PCDH9: variants seen among roughly 807,000 people sequenced by gnomAD.
The protein encoded by PCDH9 is protocadherin-9.
In PCDH9, 24 loss-of-function variants were observed where a neutral mutation model predicts 70.6. That is an observed-to-expected ratio of 0.34 (90% CI 0.25 to 0.48). The LOEUF (loss-of-function observed/expected upper bound fraction) is 0.48. Among genes scored for constraint, PCDH9 ranks in the 20% least tolerant of loss-of-function variants. The pLI is 0.99. For missense variants in PCDH9, 1,281 were observed against 1,503.6 expected, an observed-to-expected ratio of 0.85 and a Z score of 2.45; for synonymous variants, 562 against 558.5, an observed-to-expected ratio of 1.01 and a Z score of -0.09.
intron 2 of PCDH9, among the ~76,000 whole-genome samples, chr13:67,048,206 C>A (rs948274259): frequency 2.4e-4 from 36 of 152,252 alleles, no homozygotes; most frequent in African/African-American, 7.9e-4. Flanking sequence ...AACATGAGAG[C>A]CCCTCATTCA....
chr13:66,899,566 T>G (rs2082243430), intron 3 of PCDH9, among the ~76,000 whole-genome samples: 1 of 152,022 alleles, frequency 6.6e-6, no homozygotes, highest in Non-Finnish European at 1.5e-5. Flanking sequence ...GATGCAGTCT[T>G]GTGTGAATTC....
intron 2 of PCDH9, among the ~76,000 whole-genome samples, chr13:67,111,143 CTAATTA>C (rs1270581263): frequency 2.0e-5 from 3 of 152,080 alleles, no homozygotes; most frequent in Non-Finnish European, 4.4e-5. Flanking sequence ...AGTTAAGATT[CTAATTA>C]TATGTGCATA....
intron 3 of PCDH9, among the ~76,000 whole-genome samples, chr13:66,650,206 T>C (rs1312499499): frequency 6.6e-6 from 1 of 150,604 alleles, no homozygotes; most frequent in Admixed American, 6.6e-5. Flanking sequence ...AATGAAAAAA[T>C]AAGAACCAAT....
intron 2 of PCDH9, among the ~76,000 whole-genome samples, chr13:67,028,786 G>A (rs969684491): frequency 2.0e-5 from 3 of 151,820 alleles, no homozygotes; most frequent in Non-Finnish European, 4.4e-5. Context: ...TACACACACT[G>A]ACACTTTAGA....
chr13:67,154,886 G>A (rs145472521), intron 2 of PCDH9, among the ~76,000 whole-genome samples: 239 of 151,682 alleles, frequency 1.6e-3, no homozygotes, highest in African/African-American at 5.7e-3. Context: ...TGTATTTTTA[G>A]TAATGCAAAA....
At chr13:66,916,917 C>T (rs1009693922) in intron 2 of PCDH9, among the ~76,000 whole-genome samples, 7 of 151,496 alleles carry the variant, frequency 4.6e-5, no homozygotes, top group Non-Finnish European at 7.4e-5. Context: ...ATAAAGTGTG[C>T]ATTCAGCAAA....
chr13:66,750,451 G>C (rs180718366), intron 3 of PCDH9, among the ~76,000 whole-genome samples: 132 of 152,082 alleles, frequency 8.7e-4, no homozygotes, highest in African/African-American at 3.1e-3. Flanking sequence ...GACCAACTGT[G>C]TAAAGAAAGC....
At chr13:66,397,933 A>G (rs1251802088) in intron 4 of PCDH9, among the ~76,000 whole-genome samples, 4 of 151,960 alleles carry the variant, frequency 2.6e-5, no homozygotes, top group Admixed American at 6.5e-5. Context: ...ATTTTTGAAA[A>G]AAGAGAAATT....
At chr13:66,442,089 G>A (rs1363487091) in intron 4 of PCDH9, among the ~76,000 whole-genome samples, 1 of 152,102 alleles carries the variant, frequency 6.6e-6, no homozygotes, top group Admixed American at 6.6e-5. Context: ...CTACTTAAAG[G>A]GATGGGGAGG....
At chr13:66,407,386 C>A (rs974887815) in intron 4 of PCDH9, among the ~76,000 whole-genome samples, 1 of 152,124 alleles carries the variant, frequency 6.6e-6, no homozygotes, top group Admixed American at 6.6e-5. Flanking sequence ...TCACTAATAG[C>A]CTTTCTTTGT....
chr13:66,630,156 T>C (rs1294850011), intron 4 of PCDH9, among the ~76,000 whole-genome samples: 1 of 151,212 alleles, frequency 6.6e-6, no homozygotes, highest in Non-Finnish European at 1.5e-5. Context: ...AGCAAAAATA[T>C]TTTTTTTTGC....
chr13:66,896,528 C>T (rs1476401134), intron 3 of PCDH9, among the ~76,000 whole-genome samples: 3 of 151,996 alleles, frequency 2.0e-5, no homozygotes, highest in Non-Finnish European at 4.4e-5. Flanking sequence ...GCCAGATTTA[C>T]ATAATTATAA....
intron 3 of PCDH9, among the ~76,000 whole-genome samples, chr13:66,680,010 C>A (rs760213152): frequency 6.6e-6 from 1 of 151,818 alleles, no homozygotes; most frequent in Non-Finnish European, 1.5e-5. Context: ...TAAATGTTTT[C>A]TTTCTTGTTA....
chr13:66,797,818 G>A (rs1364805959), intron 3 of PCDH9, among the ~76,000 whole-genome samples: 1 of 151,946 alleles, frequency 6.6e-6, no homozygotes, highest in African/African-American at 2.4e-5. Flanking sequence ...ACTTTCAGCA[G>A]GGTCTTTAAA....
chr13:67,118,201 CCAAA>C (rs138058304), intron 2 of PCDH9, among the ~76,000 whole-genome samples: 20,902 of 152,006 alleles, frequency 0.14, 1,603 homozygotes, highest in Middle Eastern at 0.17. Context: ...CCCATCCAAA[CCAAA>C]CAGAGAGAAT....
intron 4 of PCDH9, among the ~76,000 whole-genome samples, chr13:66,391,722 T>C (rs1033288340): frequency 3.9e-5 from 6 of 151,996 alleles, no homozygotes; most frequent in African/African-American, 1.4e-4. Context: ...GAATTTATCA[T>C]GTATTCAGTT....
At chr13:66,645,220 T>C (rs1271974808) in intron 3 of PCDH9, among the ~76,000 whole-genome samples, 1 of 152,058 alleles carries the variant, frequency 6.6e-6, no homozygotes, top group Admixed American at 6.5e-5. Context: ...GAAACTCTGA[T>C]AGAAAAAAGT....
chr13:66,883,897 C>CA (rs2081963907), intron 3 of PCDH9, among the ~76,000 whole-genome samples: 1 of 133,524 alleles, frequency 7.5e-6, no homozygotes, highest in African/African-American at 3.2e-5. Context: ...CTTGAGCGTT[C>CA]ATTTTTTTTT....
At chr13:67,112,646 TCTCC>T (rs2086679553) in intron 2 of PCDH9, among the ~76,000 whole-genome samples, 1 of 149,334 alleles carries the variant, frequency 6.7e-6, no homozygotes, top group Non-Finnish European at 1.5e-5. Flanking sequence ...TCTCTTTCTC[TCTCC>T]CTCCCTCCCT....
Sources: gnomAD v4.1 joint callset for allele counts (sites outside exome capture counted in the v4.1 genomes callset) on GRCh38, gnomAD v4.1.1 for gene constraint, MANE v1.5 for transcripts, NCBI Gene and HGNC (gene_info 2026-07-23, HGNC 2026-07-21) for gene names.